Variants in PDE4D observed in about 807,000 individuals in gnomAD.
PDE4D encodes phosphodiesterase 4D, also known as 3',5'-cyclic-AMP phosphodiesterase 4D.
In PDE4D, 24 loss-of-function variants were observed where a neutral mutation model predicts 87.4. That is an observed-to-expected ratio of 0.27 (90% CI 0.20 to 0.39). The LOEUF is 0.39. PDE4D is among the 10% of genes least tolerant of loss of function. The pLI is 1.00. For missense variants in PDE4D, 714 were observed against 1,041.0 expected, an observed-to-expected ratio of 0.69 and a Z score of 4.32; for synonymous variants, 384 against 383.2, an observed-to-expected ratio of 1.00 and a Z score of -0.02.
rs574362987 is a variant in PDE4D, at chr5:59,493,770, T to C, written c.456-277802A>G. 3.3e-5 allele frequency among the ~76,000 whole-genome samples: 5 copies of C among 152,322 alleles called. No homozygotes were observed. In the South Asian group the frequency reaches 6.2e-4, roughly 19 times the overall value. On this transcript the variant is annotated intron_variant, in intron 1 of 14. Coordinates refer to ENST00000340635, the MANE Select transcript of PDE4D (RefSeq NM_001104631.2). ...ATGTGGCAGGATATTTTAAGATCCA[T>C]CATAATAGGTAGGAAGAGTGATTCT...
intron 1 of PDE4D, among the ~76,000 whole-genome samples, chr5:59,553,536 A>G (rs1818443703): frequency 6.6e-6 from 1 of 152,226 alleles, no homozygotes; most frequent in Non-Finnish European, 1.5e-5. Context: ...TAAAAGCAGT[A>G]GTAAGATTCC....
At chr5:60,009,797 C>T (rs73759010) in intron 2 of PDE4D, among the ~76,000 whole-genome samples, 2,658 of 152,148 alleles carry the variant, frequency 0.017, 73 homozygotes, top group African/African-American at 0.06. Flanking sequence ...ACAAGTAAAA[C>T]TGTTTAAGCT....
chr5:59,180,266 ACAT>A, intron 5 of PDE4D: 1 of 468,102 alleles, frequency 2.1e-6, no homozygotes, highest in South Asian at 1.8e-5. Context: ...TGCTAATAAC[ACAT>A]GTGTGGAACC....
At chr5:59,984,244 G>A (rs1561943174) in intron 3 of PDE4D, among the ~76,000 whole-genome samples, 1 of 83,442 alleles carries the variant, frequency 1.2e-5, no homozygotes, top group Non-Finnish European at 3.2e-5. Context: ...TTTATGAAAG[G>A]TAATAGAAAA....
intron 1 of PDE4D, among the ~76,000 whole-genome samples, chr5:60,385,834 T>C (rs1369201092): frequency 6.6e-6 from 1 of 152,206 alleles, no homozygotes; most frequent in Non-Finnish European, 1.5e-5. Flanking sequence ...TTTAGGAAGA[T>C]ACAGCTCTCA....
At chr5:59,069,979 A>C (rs1292138043) in intron 5 of PDE4D, among the ~76,000 whole-genome samples, 1 of 152,168 alleles carries the variant, frequency 6.6e-6, no homozygotes, top group Non-Finnish European at 1.5e-5. Context: ...TCTTTCTAGA[A>C]GGTAGATCAC....
At chr5:59,508,967 AG>A (rs1354973580) in intron 1 of PDE4D, among the ~76,000 whole-genome samples, 11 of 152,020 alleles carry the variant, frequency 7.2e-5, no homozygotes, top group African/African-American at 2.7e-4. Flanking sequence ...AAGTCTTACT[AG>A]GGTTGGGATA....
intron 1 of PDE4D, among the ~76,000 whole-genome samples, chr5:59,238,421 C>A (rs999515689): frequency 1.3e-5 from 2 of 152,084 alleles, no homozygotes; most frequent in Non-Finnish European, 2.9e-5. Context: ...CATGAGAACT[C>A]ACATATAGGA....
intron 1 of PDE4D, among the ~76,000 whole-genome samples, chr5:59,777,245 G>A (rs1764168567): frequency 6.6e-6 from 1 of 152,076 alleles, no homozygotes; most frequent in African/African-American, 2.4e-5. Context: ...TATTGTTATG[G>A]TCCTGCTCTC....
chr5:59,418,858 CA>C (rs1794052486), intron 1 of PDE4D, among the ~76,000 whole-genome samples: 1 of 152,088 alleles, frequency 6.6e-6, no homozygotes, highest in Admixed American at 6.5e-5. Context: ...CCACGTTGGC[CA>C]GGCTGGTCTC....
intron 3 of PDE4D, among the ~76,000 whole-genome samples, chr5:59,191,661 C>T (rs917680153): frequency 1.3e-5 from 2 of 151,956 alleles, no homozygotes; most frequent in Non-Finnish European, 2.9e-5. Flanking sequence ...CTCCACCTCC[C>T]GGGTTCAAGC....
rs77448059 is a variant in PDE4D, at chr5:59,360,734, A to G, written c.456-144766T>C. Among the ~76,000 whole-genome samples the G allele has an allele frequency of 4.4e-3, 672 of 152,316 alleles. 4 individuals are homozygous for G. The highest frequency in any genetic ancestry group is 0.016 in the African/African-American group (652 of 41,578). ...CCTTATATGAGTCTACTTGATTGAA[A>G]GGTCAATTATTCCATGTTCTGAAAT... On this transcript the variant is annotated intron_variant, in intron 1 of 14. Coordinates refer to ENST00000340635, the MANE Select transcript of PDE4D (RefSeq NM_001104631.2).
At chr5:59,888,640 T>C (rs1406519103) in intron 1 of PDE4D, among the ~76,000 whole-genome samples, 3 of 151,924 alleles carry the variant, frequency 2.0e-5, no homozygotes, top group African/African-American at 7.2e-5. Context: ...TCCAATATGC[T>C]TTTTTTTAAA....
intron 1 of PDE4D, among the ~76,000 whole-genome samples, chr5:59,337,681 T>C (rs894940298): frequency 4.6e-5 from 7 of 152,134 alleles, no homozygotes; most frequent in East Asian, 1.9e-4. Context: ...TAATAGGCCA[T>C]GTGTTGATAT....
chr5:59,896,284 C>T (rs1293362011), upstream of PDE4D, among the ~76,000 whole-genome samples: 2 of 152,090 alleles, frequency 1.3e-5, no homozygotes, highest in African/African-American at 4.8e-5. Context: ...ATTATTCCTG[C>T]CAGGCTGGGA....
intron 1 of PDE4D, among the ~76,000 whole-genome samples, chr5:60,292,576 TTTAA>T (rs1424148761): frequency 5.9e-5 from 9 of 152,364 alleles, no homozygotes; most frequent in African/African-American, 1.9e-4. Context: ...TACTGAATGC[TTTAA>T]TTAATTCTAT....
At chr5:60,413,309 A>C (rs1742194360) in intron 1 of PDE4D, among the ~76,000 whole-genome samples, 1 of 152,204 alleles carries the variant, frequency 6.6e-6, no homozygotes, top group Non-Finnish European at 1.5e-5. Flanking sequence ...GTATATTGTC[A>C]GGTCTGTTTT....
At chr5:59,417,090 C>G (rs546722995) in intron 1 of PDE4D, among the ~76,000 whole-genome samples, 1 of 152,138 alleles carries the variant, frequency 6.6e-6, no homozygotes, top group Admixed American at 6.5e-5. Context: ...TTTTTAATTT[C>G]TAGGTATTAT....
At chr5:59,052,870 GTTAT>G (rs765257274) in intron 5 of PDE4D, among the ~76,000 whole-genome samples, 2 of 152,162 alleles carry the variant, frequency 1.3e-5, no homozygotes, top group African/African-American at 2.4e-5. Context: ...ACTTAAATGT[GTTAT>G]TTGTTAAAAA....
Sources: gnomAD v4.1 joint callset for allele counts (sites outside exome capture counted in the v4.1 genomes callset) on GRCh38, gnomAD v4.1.1 for gene constraint, MANE v1.5 for transcripts, NCBI Gene and HGNC (gene_info 2026-07-23, HGNC 2026-07-21) for gene names.